The following MCM9 variants were observed in gnomAD, a reference collection of about 807,000 sequenced individuals.
MCM9 encodes the protein minichromosome maintenance 9 homologous recombination repair factor.
Under a neutral mutation model 72.8 loss-of-function variants are expected in MCM9, and 55 were observed. The observed-to-expected ratio is 0.76, with a 90% CI of 0.61 to 0.95. The LOEUF (loss-of-function observed/expected upper bound fraction) is 0.95. Among genes scored for constraint, MCM9 ranks in the 40% least tolerant of loss-of-function variants. The pLI, the probability that MCM9 is intolerant of heterozygous loss-of-function variation, is 0.00. For missense variants in MCM9, 1,279 were observed against 1,377.0 expected (o/e 0.93, Z 1.13); for synonymous variants, 480 against 503.4 (o/e 0.95, Z 0.62).
At chr6:118,913,078 T>G (rs1295148005) in intron 7 of MCM9, 1 of 529,906 alleles carries the variant, frequency 1.9e-6, no homozygotes, top group African/African-American at 1.9e-5. Context: ...GTATATGCCA[T>G]AGAAAAATGT....
Position 118,822,865 on chromosome 6 carries a change from G to A in MCM9, c.1961+3282C>T, listed in dbSNP as rs138681556. Among the ~76,000 whole-genome samples, 991 of 152,318 alleles carry A rather than the reference G, an allele frequency of 6.5e-3. 7 individuals carry two copies. Among genetic ancestry groups the A allele is most frequent in the African/African-American group, 0.022 (922 of 41,576 alleles). On this transcript the variant is annotated intron_variant, in intron 13 of 13. Coordinates refer to ENST00000619706, the MANE Select transcript of MCM9 (RefSeq NM_017696.3). ...CTGGCCACAGCCAATTCGCCACACT[G>A]TGGTGGATTCCACCCAGTCCAAACC...
intron 8 of MCM9, among the ~76,000 whole-genome samples, chr6:118,857,688 G>C (rs1023831113): frequency 6.7e-6 from 1 of 149,120 alleles, no homozygotes; most frequent in Non-Finnish European, 1.5e-5. Flanking sequence ...ATGAAAGAGG[G>C]GGCATAACTA....
chr6:118,857,588 T>G (rs1232328896), intron 8 of MCM9, among the ~76,000 whole-genome samples: 2 of 145,322 alleles, frequency 1.4e-5, no homozygotes, highest in African/African-American at 5.2e-5. Context: ...AGAATAACTA[T>G]TGTTGATAAA....
chr6:118,919,405 T>C (rs943860340), intron 5 of MCM9: 3 of 152,194 alleles, frequency 2.0e-5, no homozygotes, highest in Non-Finnish European at 2.9e-5. Flanking sequence ...TATATTTACA[T>C]CACAGTACTA....
rs920768996 is a variant in MCM9 at position 118,813,543 on chromosome 6, C to T, written c.*1281G>A. 6.6e-6 allele frequency: 1 copy of T among 151,980 alleles called. No homozygotes were observed. The highest frequency in any genetic ancestry group is 1.5e-5 in the Non-Finnish European group (1 of 68,000). The allele number at this position is 151,980 out of a possible 1,614,324, so 9.4% of individuals were successfully genotyped here. On this transcript the variant is annotated 3_prime_UTR_variant, in exon 14 of 14. Coordinates refer to ENST00000619706, the MANE Select transcript of MCM9 (RefSeq NM_017696.3). ...GGATTTTCTAAATTTGTTTTCAATGCGTGAATTGAATGAAGTGAAAATTAA... is the reference window on the plus strand; with the variant it reads ...GGATTTTCTAAATTTGTTTTCAATGTGTGAATTGAATGAAGTGAAAATTAA...
At position 118,910,456 on chromosome 6, in the gene MCM9, T is replaced by C. The variant is rs2295708; in HGVS notation, c.1150+1194A>G. On this transcript the variant is annotated intron_variant, in intron 8 of 13. Transcript: ENST00000619706. ...GAGGAAATGTGCTAATATACTTTTATACTAATTCACTAATCCAGTGAATCA... is the reference window on the plus strand; with the variant it reads ...GAGGAAATGTGCTAATATACTTTTACACTAATTCACTAATCCAGTGAATCA... 139 of 186,552 alleles carry C rather than the reference T, an allele frequency of 7.5e-4. No homozygotes were observed. In the East Asian group the frequency reaches 0.024, roughly 32 times the overall value. 11.6% of individuals were successfully genotyped at this position (186,552 alleles called of 1,614,324 possible). A position where few individuals can be genotyped will look rare whatever the true frequency, so the allele number is the denominator to read the frequency against.
chr6:118,906,355 G>A (rs1033069753), intron 8 of MCM9, among the ~76,000 whole-genome samples: 1 of 152,144 alleles, frequency 6.6e-6, no homozygotes, highest in African/African-American at 2.4e-5. Context: ...TTACAGGTGT[G>A]AGCCACCACG....
chr6:118,904,043 A>G (rs1203937526), intron 8 of MCM9, among the ~76,000 whole-genome samples: 1 of 152,162 alleles, frequency 6.6e-6, no homozygotes, highest in Non-Finnish European at 1.5e-5. Context: ...TATCCCTTAG[A>G]AAAGGGAATA....
At chr6:118,837,412 C>A (rs937614638) in intron 9 of MCM9, among the ~76,000 whole-genome samples, 3 of 152,118 alleles carry the variant, frequency 2.0e-5, no homozygotes, top group Non-Finnish European at 4.4e-5. Flanking sequence ...AGTTCAAGTC[C>A]TGAATATCCT....
At chr6:118,843,688 G>GTGTGTGTGTGTATATATGTA (rs1775631958) in intron 9 of MCM9, among the ~76,000 whole-genome samples, 7 of 64,154 alleles carry the variant, frequency 1.1e-4, no homozygotes, top group African/African-American at 4.0e-4. Flanking sequence ...ATATATATGT[G>GTGTGTGTGTGTATATATGTA]TATATATATA....
At chr6:118,878,837 G>T (rs1286841129) in intron 8 of MCM9, among the ~76,000 whole-genome samples, 1 of 151,998 alleles carries the variant, frequency 6.6e-6, no homozygotes, top group Non-Finnish European at 1.5e-5. Context: ...TGGGTGGATT[G>T]CTTGAGCTCA....
intron 8 of MCM9, among the ~76,000 whole-genome samples, chr6:118,871,960 TA>T (rs1163650718): frequency 6.6e-6 from 1 of 152,052 alleles, no homozygotes; most frequent in Admixed American, 6.5e-5. Flanking sequence ...CAGCATACCT[TA>T]ACAAATCTTA....
In MCM9 at chr6:118,856,341, T is replaced by C. The variant is rs542397931; in HGVS notation, c.1325+30A>G. The stretch of plus-strand genomic sequence containing the variant: ...CTAAGCATATATTAAATAATCTCAT[T>C]ATTCCCATAGATTTTAAAGAAACTC... On this transcript the variant is annotated intron_variant, in intron 9 of 13. Transcript: ENST00000619706. 123 of 1,519,820 alleles carry C rather than the reference T, an allele frequency of 8.1e-5. 1 individual carries two copies. The South Asian group carries it at 1.4e-3, about 18-fold the overall frequency. 94.1% of individuals were successfully genotyped at this position (1,519,820 alleles called of 1,614,324 possible). A position where few individuals can be genotyped will look rare whatever the true frequency, so the allele number is the denominator to read the frequency against.
intron 8 of MCM9, chr6:118,894,665 G>A (rs1779223590): frequency 2.8e-6 from 2 of 721,230 alleles, no homozygotes; most frequent in Non-Finnish European, 4.4e-6. Context: ...TGAAGTTGAT[G>A]GACGACGGCC....
chr6:118,815,715 G>T lies in MCM9; in HGVS notation c.2541C>A (p.Asn847Lys). The T allele has an allele frequency of 6.5e-7, 1 of 1,546,566 alleles. No individual in the cohort carries two copies. The stretch of plus-strand genomic sequence containing the variant: ...CCCTCTCTTTGCACAGCTTCTGCAG[G>T]TTCCTGGGGACATGATGAGTCAGTA... ...DSVLTHHVPR[N>K]LQKLCKERAQ... Residue 847 changes from asparagine (N) to lysine (K), a missense_variant, in exon 14 of 14, where the codon AAC (asparagine) becomes AAA (lysine). Physicochemically the swap from Asn to Lys is moderately conservative, Grantham distance 94. Coordinates refer to ENST00000619706, the MANE Select transcript of MCM9 (RefSeq NM_017696.3).
chr6:118,911,816 C>G (rs1230067697), intron 7 of MCM9, 47 bp from the exon 8 acceptor site: 2 of 1,448,158 alleles, frequency 1.4e-6, no homozygotes, highest in African/African-American at 2.8e-5. Context: ...ATAAAAGGGT[C>G]CATTTGGAAT....
At chr6:118,834,700 G>T (rs564298479) in intron 9 of MCM9, among the ~76,000 whole-genome samples, 85 of 146,776 alleles carry the variant, frequency 5.8e-4, no homozygotes, top group East Asian at 2.2e-3. Context: ...TTTTGATGTG[G>T]TTTTTTTTTT....
chr6:118,907,620 TA>T (rs1045965800), intron 8 of MCM9: 15 of 1,606,846 alleles, frequency 9.3e-6, no homozygotes, highest in Non-Finnish European at 1.3e-5. Flanking sequence ...TGTGACCACC[TA>T]CCATCCCTTT....
chr6:118,878,433 AAGAC>A (rs1199591632), intron 8 of MCM9, among the ~76,000 whole-genome samples: 13 of 152,340 alleles, frequency 8.5e-5, no homozygotes, highest in African/African-American at 2.9e-4. Context: ...TAAAAAATGA[AAGAC>A]AGCATAACTG....
Sources: allele counts gnomAD v4.1 joint callset (sites outside exome capture counted in the v4.1 genomes callset), GRCh38; gene constraint gnomAD v4.1.1; transcripts MANE v1.5; gene names NCBI Gene and HGNC (gene_info 2026-07-23, HGNC 2026-07-21).